The following CD151 variants were observed in gnomAD, a reference collection of about 807,000 sequenced individuals.
CD151 encodes the protein CD151 molecule (Raph blood group), also known as CD151 antigen.
In CD151, 20 loss-of-function variants were observed where a neutral mutation model predicts 34.2. The observed-to-expected ratio is 0.58, with a 90% CI of 0.41 to 0.85. The LOEUF (loss-of-function observed/expected upper bound fraction) is 0.85, where lower values mean the gene tolerates loss of function less well. CD151 is among the 40% of genes least tolerant of loss of function. The pLI, the probability that CD151 is intolerant of heterozygous loss-of-function variation, is 0.00. For synonymous variants in CD151, 157 were observed against 131.7 expected (o/e 1.19, Z -1.32); for missense variants, 306 against 324.5 (o/e 0.94, Z 0.44).
rs370209645 is a variant in CD151, at chr11:836,038, G to A, written c.-7-25G>A. 902 of 1,445,638 alleles carry A rather than the reference G, an allele frequency of 6.2e-4. 9 individuals carry two copies. In the Middle Eastern group the frequency reaches 0.017, roughly 28 times the overall value. The allele number at this position is 1,445,638 out of a possible 1,614,324, so 89.6% of individuals were successfully genotyped here. ...GTCAGGGGCCCGGTGCTGTGGCCCCGCTGACCCCTCCCCTGCCTCCTCAGC... is the reference window on the plus strand; with the variant it reads ...GTCAGGGGCCCGGTGCTGTGGCCCCACTGACCCCTCCCCTGCCTCCTCAGC... On this transcript the variant is annotated intron_variant, in intron 2 of 8. Transcript: ENST00000397420.
Position 837,292 on chromosome 11 carries a change from A to G in CD151, c.394A>G (p.Lys132Glu). ...LKENLKDTMTKRYHQPGHEAV... is the reference protein window; with the variant it reads ...LKENLKDTMTERYHQPGHEAV... ...GGAGAACCTGAAGGACACCATGACC[A>G]AGCGCTACCACCAGCCGGGCCATGA... The change falls in exon 6 of 9, where the codon AAG becomes GAG. Residue 132 changes from lysine (K) to glutamate (E), a missense_variant. Coordinates refer to ENST00000397420, the MANE Select transcript of CD151 (RefSeq NM_004357.5). 1.2e-6 allele frequency: 2 copies of G among 1,613,070 alleles called. No individual in the cohort carries two copies. Among genetic ancestry groups the G allele is most frequent in the Non-Finnish European group, 1.7e-6 (2 of 1,179,972 alleles).
At chr11:834,374 G>A (rs1334463719) in intron 1 of CD151, 156 bp from the exon 2 acceptor site, 2 of 152,314 alleles carry the variant, frequency 1.3e-5, no homozygotes, top group Admixed American at 6.6e-5. Context: ...AAGAAAAAAA[G>A]AAAAAAACAA....
At chr11:836,701 G>C in intron 4 of CD151, 68 bp from the exon 5 acceptor site, 4 of 1,498,124 alleles carry the variant, frequency 2.7e-6, no homozygotes, top group Non-Finnish European at 2.8e-6. Flanking sequence ...TGGGGACTCT[G>C]CTCTGAGGTG....
chr11:834,044 CAA>C (rs1565115874), intron 1 of CD151: 1 of 152,146 alleles, frequency 6.6e-6, no homozygotes, highest in Non-Finnish European at 1.5e-5. Flanking sequence ...GAGCGAAGGC[CAA>C]GAGTGGGGCA....
rs367977688 is a variant in CD151 at position 837,321 on chromosome 11, T to C, written c.423T>C (p.Ala141=). ...TKRYHQPGHE[A]VTSAVDQLQQ... ...GCTACCACCAGCCGGGCCATGAGGC[T>C]GTGACCAGCGCTGTGGACCAGCTGC... The change falls in exon 6 of 9, where the codon GCT becomes GCC. Residue 141 remains alanine, a synonymous_variant. Transcript: ENST00000397420. The C allele has an allele frequency of 1.2e-6, 2 of 1,612,976 alleles. No individual in the cohort carries two copies. Among genetic ancestry groups the C allele is most frequent in the African/African-American group, 2.7e-5 (2 of 75,042 alleles).
intron 1 of CD151, among the ~76,000 whole-genome samples, chr11:833,431 C>T (rs1419350738): frequency 1.3e-5 from 2 of 152,198 alleles, no homozygotes; most frequent in Non-Finnish European, 2.9e-5. Flanking sequence ...TGCAAGTGGG[C>T]GCGCCATTGG....
At chr11:837,671 A>C in intron 7 of CD151, 53 bp downstream of exon 7, 5 of 1,551,656 alleles carry the variant, frequency 3.2e-6, no homozygotes, top group Non-Finnish European at 4.4e-6. Context: ...GTGGGGGGGC[A>C]CCCCAGTGAC....
chr11:834,731 T>G (rs1313711017), intron 2 of CD151, 140 bp downstream of exon 2: 1 of 152,582 alleles, frequency 6.6e-6, no homozygotes, highest in Non-Finnish European at 1.5e-5. Flanking sequence ...GCTCACAGCT[T>G]GCCCACTGCT....
At position 838,691 on chromosome 11, in the gene CD151, A is replaced by C; in HGVS notation, c.*499A>C. 1.5e-5 allele frequency: 3 copies of C among 196,618 alleles called. No individual in the cohort carries two copies. The highest frequency in any genetic ancestry group is 3.2e-5 in the Non-Finnish European group (3 of 94,650). 12.2% of individuals were successfully genotyped at this position (196,618 alleles called of 1,614,324 possible). A position where few individuals can be genotyped will look rare whatever the true frequency, so the allele number is the denominator to read the frequency against. ...CCCCACCGCAGTCACCACCACCCGA[A>C]ATGCCACGTGGTCACTGTGCACTGC... On this transcript the variant is annotated 3_prime_UTR_variant, in exon 9 of 9. Transcript: ENST00000397420.
At chr11:833,425 A>G (rs955462036) in intron 1 of CD151, among the ~76,000 whole-genome samples, 1 of 152,024 alleles carries the variant, frequency 6.6e-6, no homozygotes, top group African/African-American at 2.4e-5. Context: ...CCCGCGTGCA[A>G]GTGGGCGCGC....
intron 8 of CD151, 38 bp downstream of exon 8, chr11:838,066 A>T: frequency 6.2e-7 from 1 of 1,607,602 alleles, no homozygotes; most frequent in African/African-American, 1.3e-5. Context: ...CTTGTTGGGG[A>T]CACGGGGCAG....
chr11:837,865 CCTGGAGG>C, intron 7 of CD151, 70 bp from the exon 8 acceptor site: 1 of 1,216,626 alleles, frequency 8.2e-7, no homozygotes, highest in Non-Finnish European at 1.2e-6. Context: ...TTGGCCACAC[CCTGGAGG>C]CTGGAGGCAG....
At position 836,787 on chromosome 11, in the gene CD151, A is replaced by C. The variant is rs777391775; in HGVS notation, c.295A>C (p.Ile99Leu). ...LLRLYFILLL[I>L]IFLLEIIAGI... Reference sequence around the variant, plus strand: ...CCCCCAGTACTTCATCCTGCTCCTCATCATCTTTCTGCTGGAGATCATCGC... The same window carrying C: ...CCCCCAGTACTTCATCCTGCTCCTCCTCATCTTTCTGCTGGAGATCATCGC... Residue 99 changes from isoleucine to leucine, a missense_variant, in exon 5 of 9, where the codon ATC becomes CTC. Coordinates refer to ENST00000397420, the MANE Select transcript of CD151 (RefSeq NM_004357.5). 3.2e-5 allele frequency: 51 copies of C among 1,612,540 alleles called. No individual in the cohort carries two copies. Among genetic ancestry groups the C allele is most frequent in the Middle Eastern group, 1.6e-4 (1 of 6,082 alleles).
At chr11:833,635 T>C (rs1846626678) in intron 1 of CD151, among the ~76,000 whole-genome samples, 1 of 151,984 alleles carries the variant, frequency 6.6e-6, no homozygotes, top group South Asian at 2.1e-4. Context: ...TCCCAGGGGG[T>C]CCAGAGGGAC....
rs1846873193 is a variant in CD151, at chr11:838,616, G to A, written c.*424G>A. ...CTCTGACCCTTGGGCCTGGGCCTCT[G>A]CCCCTCCCAACCCAGCCCTCGTCTC... On this transcript the variant is annotated 3_prime_UTR_variant, in exon 9 of 9. Transcript: ENST00000397420. 4.0e-6 allele frequency: 1 copy of A among 252,900 alleles called. No individual in the cohort carries two copies. Among genetic ancestry groups the A allele is most frequent in the Admixed American group, 5.0e-5 (1 of 19,812 alleles). The allele number at this position is 252,900 out of a possible 1,614,324, so 15.7% of individuals were successfully genotyped here.
intron 7 of CD151, 52 bp downstream of exon 7, chr11:837,670 C>G: frequency 1.3e-6 from 2 of 1,558,368 alleles, no homozygotes; most frequent in Non-Finnish European, 1.8e-6. Flanking sequence ...GGTGGGGGGG[C>G]ACCCCAGTGA....
chr11:833,184 C>T (rs1590206108), intron 1 of CD151, among the ~76,000 whole-genome samples, 158 bp downstream of exon 1: 1 of 151,262 alleles, frequency 6.6e-6, no homozygotes, highest in African/African-American at 2.4e-5. Context: ...GGAGGCCGCA[C>T]CCACCGCCTG....
At position 836,266 on chromosome 11, in the gene CD151, G is replaced by A. The variant is rs762694458; in HGVS notation, c.100G>A (p.Val34Ile). Reference protein sequence around the residue: ...NCCFWLAGLAVMAVGIWTLAL... With the variant: ...NCCFWLAGLAIMAVGIWTLAL... Reference sequence around the variant, plus strand: ...CTGCTTGTAGCTGGCTGGCCTGGCTGTCATGGCAGTGGGCATCTGGACGCT... The same window carrying A: ...CTGCTTGTAGCTGGCTGGCCTGGCTATCATGGCAGTGGGCATCTGGACGCT... Residue 34 changes from valine (V) to isoleucine (I), a missense_variant, in exon 4 of 9, where the codon GTC becomes ATC. Physicochemically the swap from Val to Ile is conservative, Grantham distance 29. Coordinates refer to ENST00000397420, the MANE Select transcript of CD151 (RefSeq NM_004357.5). 8.7e-6 allele frequency: 14 copies of A among 1,612,124 alleles called. No individual in the cohort carries two copies. Among genetic ancestry groups the A allele is most frequent in the Non-Finnish European group, 1.2e-5 (14 of 1,179,508 alleles).
At chr11:833,258 G>C (rs1290587165) in intron 1 of CD151, among the ~76,000 whole-genome samples, 1 of 152,114 alleles carries the variant, frequency 6.6e-6, no homozygotes, top group Non-Finnish European at 1.5e-5. Context: ...GACTCCGGGC[G>C]GGTTGGGGAG....
Sources: gnomAD v4.1 joint callset for allele counts (sites outside exome capture counted in the v4.1 genomes callset) on GRCh38, gnomAD v4.1.1 for gene constraint, MANE v1.5 for transcripts, NCBI Gene and HGNC (gene_info 2026-07-23, HGNC 2026-07-21) for gene names.